Variants in FCHSD2 observed in about 807,000 individuals in gnomAD.
The protein encoded by FCHSD2 is F-BAR and double SH3 domains protein 2.
Under a neutral mutation model 108.1 loss-of-function variants are expected in FCHSD2, and 38 were observed. The observed-to-expected ratio is 0.35, with a 90% CI of 0.27 to 0.46. The LOEUF (loss-of-function observed/expected upper bound fraction) is 0.46. FCHSD2 is among the 20% of genes least tolerant of loss of function. The pLI is 1.00. For missense variants in FCHSD2, 751 were observed against 897.8 expected, an observed-to-expected ratio of 0.84 and a Z score of 2.09; for synonymous variants, 279 against 314.7, an observed-to-expected ratio of 0.89 and a Z score of 1.20.
At chr11:73,071,788 T>C (rs538194429) in intron 3 of FCHSD2, among the ~76,000 whole-genome samples, 1 of 152,182 alleles carries the variant, frequency 6.6e-6, no homozygotes. Context: ...TGTCTTGGTG[T>C]CCACAATTAT....
At chr11:73,096,267 A>T (rs1194326484) in intron 2 of FCHSD2, among the ~76,000 whole-genome samples, 2 of 151,788 alleles carry the variant, frequency 1.3e-5, no homozygotes, top group Non-Finnish European at 2.9e-5. Context: ...CAGGCAGGGA[A>T]CAGTGGCTCA....
chr11:72,853,575 C>T (rs1286861524), intron 13 of FCHSD2, among the ~76,000 whole-genome samples: 3 of 152,084 alleles, frequency 2.0e-5, no homozygotes, highest in African/African-American at 7.2e-5. Context: ...CCACCACACC[C>T]GGCTAATCTT....
chr11:72,903,520 G>T (rs968004653), intron 9 of FCHSD2, among the ~76,000 whole-genome samples: 2 of 151,754 alleles, frequency 1.3e-5, no homozygotes, highest in African/African-American at 4.8e-5. Context: ...CGCCCGGCCT[G>T]GAATTTCTAT....
intron 2 of FCHSD2, among the ~76,000 whole-genome samples, chr11:73,098,699 A>T (rs1279072183): frequency 6.6e-6 from 1 of 152,226 alleles, no homozygotes; most frequent in Non-Finnish European, 1.5e-5. Flanking sequence ...AAATGGTGCC[A>T]AGACAAGATT....
intron 8 of FCHSD2, among the ~76,000 whole-genome samples, chr11:72,974,928 G>A (rs768888895): frequency 2.0e-5 from 3 of 152,094 alleles, no homozygotes; most frequent in Non-Finnish European, 4.4e-5. Flanking sequence ...GACATTAGGT[G>A]AATCAGAGGT....
At chr11:72,843,625 G>A in intron 14 of FCHSD2, 93 bp from the exon 15 acceptor site, 2 of 799,592 alleles carry the variant, frequency 2.5e-6, no homozygotes, top group Non-Finnish European at 4.2e-6. Context: ...TCAAAATATT[G>A]AAATGATTTT....
intron 14 of FCHSD2, among the ~76,000 whole-genome samples, chr11:72,849,069 A>G (rs1402167417): frequency 6.6e-6 from 1 of 152,220 alleles, no homozygotes; most frequent in Admixed American, 6.5e-5. Flanking sequence ...TTTTGGCTAC[A>G]CAGGGATGTG....
intron 12 of FCHSD2, among the ~76,000 whole-genome samples, chr11:72,872,439 T>C (rs1854881653): frequency 6.6e-6 from 1 of 152,124 alleles, no homozygotes. Context: ...CATTTACCTA[T>C]TGTTCTCCAG....
intron 8 of FCHSD2, among the ~76,000 whole-genome samples, chr11:72,968,178 G>A (rs897444740): frequency 1.3e-5 from 2 of 152,020 alleles, no homozygotes; most frequent in South Asian, 2.1e-4. Context: ...TCCTAAGGGC[G>A]ATAAGAAGCC....
At chr11:72,945,137 T>C (rs950685237) in intron 8 of FCHSD2, among the ~76,000 whole-genome samples, 18 of 152,192 alleles carry the variant, frequency 1.2e-4, no homozygotes, top group Non-Finnish European at 2.1e-4. Flanking sequence ...TCACACTACC[T>C]GACTTCAAAC....
At chr11:73,097,605 G>A (rs1482995044) in intron 2 of FCHSD2, among the ~76,000 whole-genome samples, 1 of 139,454 alleles carries the variant, frequency 7.2e-6, no homozygotes, top group African/African-American at 2.7e-5. Flanking sequence ...ATTATTTCTT[G>A]TGAGGTGTTC....
chr11:72,912,198 A>G (rs1192175295), intron 9 of FCHSD2, among the ~76,000 whole-genome samples: 1 of 152,180 alleles, frequency 6.6e-6, no homozygotes, highest in Non-Finnish European at 1.5e-5. Flanking sequence ...ACAGTGGTAA[A>G]AGTGGGCATC....
At chr11:72,868,719 A>AAACC (rs1172509184) in intron 12 of FCHSD2, among the ~76,000 whole-genome samples, 1 of 148,292 alleles carries the variant, frequency 6.7e-6, no homozygotes, top group Non-Finnish European at 1.5e-5. Flanking sequence ...ACAAACAAAC[A>AAACC]AACCAAGAAA....
chr11:73,141,280 C>T (rs1387725357), intron 1 of FCHSD2: 1 of 153,122 alleles, frequency 6.5e-6, no homozygotes, highest in South Asian at 1.9e-4. Flanking sequence ...GCCCCTCAGC[C>T]GGGGACGAGG....
At chr11:72,929,090 T>TA (rs1272273114) in intron 8 of FCHSD2, among the ~76,000 whole-genome samples, 4 of 152,242 alleles carry the variant, frequency 2.6e-5, no homozygotes, top group Non-Finnish European at 5.9e-5. Context: ...CCATGGTGTA[T>TA]ATGTGCCACA....
chr11:73,121,876 T>C (rs1054736766), intron 2 of FCHSD2, among the ~76,000 whole-genome samples: 36 of 152,338 alleles, frequency 2.4e-4, no homozygotes, highest in African/African-American at 8.7e-4. Context: ...ACTGCATTTT[T>C]AACAAGTTCC....
chr11:72,921,480 G>C (rs1855974768), intron 9 of FCHSD2, among the ~76,000 whole-genome samples: 2 of 152,110 alleles, frequency 1.3e-5, no homozygotes, highest in African/African-American at 4.8e-5. Flanking sequence ...AGTACTCTTT[G>C]TACTGACACA....
At chr11:73,089,832 T>C (rs1859911126) in intron 2 of FCHSD2, among the ~76,000 whole-genome samples, 1 of 152,290 alleles carries the variant, frequency 6.6e-6, no homozygotes, top group Middle Eastern at 3.4e-3. Flanking sequence ...TTTATTTAAC[T>C]AGATAAGCAT....
At chr11:73,037,887 C>A (rs1858537156) in intron 3 of FCHSD2, among the ~76,000 whole-genome samples, 1 of 152,152 alleles carries the variant, frequency 6.6e-6, no homozygotes, top group Non-Finnish European at 1.5e-5. Context: ...CTGGGATATC[C>A]AGAGCATAAC....
Sources: allele counts gnomAD v4.1 joint callset (sites outside exome capture counted in the v4.1 genomes callset), GRCh38; gene constraint gnomAD v4.1.1; transcripts MANE v1.5; gene names NCBI Gene and HGNC (gene_info 2026-07-23, HGNC 2026-07-21).